The following GALNT7 variants were observed in gnomAD, a reference collection of about 807,000 sequenced individuals.
The protein encoded by GALNT7 is polypeptide N-acetylgalactosaminyltransferase 7.
Under a neutral mutation model 82.1 loss-of-function variants are expected in GALNT7, and 60 were observed. The ratio of observed to expected loss-of-function variants is 0.73; its 90% confidence interval spans 0.59 to 0.91. GALNT7 has a LOEUF of 0.91. Ranked by LOEUF, GALNT7 falls within the 40% of genes least tolerant of loss-of-function variation. GALNT7 has a pLI of 0.00. For missense variants in GALNT7, 660 were observed against 804.2 expected (o/e 0.82, Z 2.17); for synonymous variants, 243 against 275.1 (o/e 0.88, Z 1.15).
intron 2 of GALNT7, among the ~76,000 whole-genome samples, chr4:173,268,992 A>G (rs931350637): frequency 1.3e-5 from 2 of 152,124 alleles, no homozygotes; most frequent in African/African-American, 4.8e-5. Flanking sequence ...GGCTCAGGTT[A>G]ATCACAGAAA....
chr4:173,312,516 TA>T (rs1737425024), intron 8 of GALNT7, among the ~76,000 whole-genome samples: 1 of 152,172 alleles, frequency 6.6e-6, no homozygotes, highest in Non-Finnish European at 1.5e-5. Flanking sequence ...AGGAGGCCAT[TA>T]ATGTATTAAC....
chr4:173,280,737 C>T (rs1324548342), intron 2 of GALNT7, among the ~76,000 whole-genome samples: 2 of 152,160 alleles, frequency 1.3e-5, no homozygotes, highest in African/African-American at 4.8e-5. Flanking sequence ...CTTATTAGAA[C>T]TTATTACAAA....
At chr4:173,288,278 A>G (rs374203773) in intron 2 of GALNT7, among the ~76,000 whole-genome samples, 2,515 of 104,988 alleles carry the variant, frequency 0.024, 106 homozygotes, top group African/African-American at 0.083. Context: ...GCGAGACTCC[A>G]TCTCAAAAAA....
At chr4:173,193,000 C>T (rs1294329755) in intron 1 of GALNT7, among the ~76,000 whole-genome samples, 1 of 152,140 alleles carries the variant, frequency 6.6e-6, no homozygotes, top group African/African-American at 2.4e-5. Context: ...AGTCACATAC[C>T]AGGCAAAGTT....
chr4:173,262,879 G>A (rs1320434010), intron 2 of GALNT7, among the ~76,000 whole-genome samples: 1 of 152,062 alleles, frequency 6.6e-6, no homozygotes, highest in Non-Finnish European at 1.5e-5. Context: ...CTTCATCAAG[G>A]AAGACTTACT....
At chr4:173,217,795 CAG>C (rs1233016994) in intron 1 of GALNT7, among the ~76,000 whole-genome samples, 4 of 152,138 alleles carry the variant, frequency 2.6e-5, no homozygotes, top group Non-Finnish European at 5.9e-5. Context: ...TGGTGAGAAA[CAG>C]ATATTTTGCA....
intron 2 of GALNT7, among the ~76,000 whole-genome samples, chr4:173,288,261 C>G (rs1434147427): frequency 8.9e-6 from 1 of 111,866 alleles, no homozygotes; most frequent in Non-Finnish European, 1.6e-5. Flanking sequence ...CCAGCCTGGG[C>G]GACAGAGCGA....
intron 1 of GALNT7, among the ~76,000 whole-genome samples, chr4:173,245,632 A>G (rs1174163512): frequency 6.6e-6 from 1 of 152,190 alleles, no homozygotes; most frequent in Non-Finnish European, 1.5e-5. Context: ...ACAACTGGGA[A>G]CCAGTTTGTT....
Position 173,314,152 on chromosome 4 carries a change from A to T in GALNT7, c.1584A>T (p.Pro528=), listed in dbSNP as rs748122331. The change falls in exon 9 of 12, where the codon CCA becomes CCT. Residue 528 remains proline, a synonymous_variant. Transcript: ENST00000265000. ...ATATCACCTCACACTACCCTTTGCC[A>T]CCCAAAAATGTTGACTGGGGAGAAG... is the stretch of plus-strand genomic sequence containing the variant. ...AYDITSHYPL[P]PKNVDWGEIR... is the part of the protein sequence containing the mutation. The T allele has an allele frequency of 1.9e-6, 3 of 1,611,916 alleles. No homozygotes were observed. The highest frequency in any genetic ancestry group is 2.5e-6 in the Non-Finnish European group (3 of 1,178,110).
chr4:173,256,589 G>GTCTT (rs747555250), intron 2 of GALNT7, among the ~76,000 whole-genome samples: 3 of 132,250 alleles, frequency 2.3e-5, no homozygotes, highest in African/African-American at 5.6e-5. Context: ...TTTTTCTGAA[G>GTCTT]TCTTTCTTTC....
chr4:173,308,469 T>G, intron 8 of GALNT7, among the ~76,000 whole-genome samples: 1 of 152,242 alleles, frequency 6.6e-6, no homozygotes, highest in African/African-American at 2.4e-5. Flanking sequence ...GTTAGGAGTT[T>G]GCATAATAAG....
At chr4:173,298,644 T>C (rs192425784) in intron 6 of GALNT7, among the ~76,000 whole-genome samples, 122 of 152,374 alleles carry the variant, frequency 8.0e-4, no homozygotes, top group African/African-American at 2.9e-3. Context: ...GATGACAGTG[T>C]CATTCTATAA....
intron 1 of GALNT7, among the ~76,000 whole-genome samples, chr4:173,177,224 C>T (rs921194646): frequency 2.0e-5 from 3 of 152,160 alleles, no homozygotes; most frequent in Non-Finnish European, 2.9e-5. Flanking sequence ...ACTAGTTCCC[C>T]GGGGATGCTG....
intron 1 of GALNT7, among the ~76,000 whole-genome samples, chr4:173,191,523 A>G (rs1002383908): frequency 9.9e-5 from 15 of 152,208 alleles, no homozygotes; most frequent in Non-Finnish European, 1.3e-4. Context: ...ACTGAAAGAT[A>G]ATAATCACTG....
chr4:173,303,902 T>A (rs1314440497), intron 7 of GALNT7, 94 bp from the exon 8 acceptor site: 1 of 1,052,902 alleles, frequency 9.5e-7, no homozygotes, highest in African/African-American at 1.6e-5. Context: ...CTGTATATAA[T>A]TTAGATTTTA....
chr4:173,169,577 C>A (rs909308729), intron 1 of GALNT7: 1 of 151,584 alleles, frequency 6.6e-6, no homozygotes, highest in African/African-American at 2.4e-5. Context: ...GAGAGCGCGC[C>A]TCCCCCTCAA....
intron 1 of GALNT7, among the ~76,000 whole-genome samples, chr4:173,224,992 A>G (rs542827359): frequency 5.9e-4 from 88 of 149,988 alleles, no homozygotes; most frequent in East Asian, 3.1e-3. Flanking sequence ...TCTAGCCTGG[A>G]CGACAGAGCG....
At chr4:173,269,864 C>T (rs938144050) in intron 2 of GALNT7, among the ~76,000 whole-genome samples, 8 of 152,140 alleles carry the variant, frequency 5.3e-5, no homozygotes, top group Admixed American at 4.6e-4. Flanking sequence ...ATTTTATAAT[C>T]ATGCAGGAAA....
chr4:173,208,687 C>T (rs986692318), intron 1 of GALNT7, among the ~76,000 whole-genome samples: 1 of 152,170 alleles, frequency 6.6e-6, no homozygotes, highest in African/African-American at 2.4e-5. Context: ...CAGCCCGTCT[C>T]TTCCCTGTTA....
Sources: allele counts gnomAD v4.1 joint callset (sites outside exome capture counted in the v4.1 genomes callset), GRCh38; gene constraint gnomAD v4.1.1; transcripts MANE v1.5; gene names NCBI Gene and HGNC (gene_info 2026-07-23, HGNC 2026-07-21).